SLC23A1: variants seen among roughly 807,000 people sequenced by gnomAD.
SLC23A1 encodes the protein Na(+)/L-ascorbic acid transporter 1.
Under a neutral mutation model 62.5 loss-of-function variants are expected in SLC23A1, and 31 were observed. That is an observed-to-expected ratio of 0.50 (90% CI 0.37 to 0.67). SLC23A1 has a LOEUF of 0.67. SLC23A1 is among the 30% of genes least tolerant of loss of function. The pLI, the probability that SLC23A1 is intolerant of heterozygous loss-of-function variation, is 0.00. For synonymous variants in SLC23A1, 271 were observed against 313.2 expected, an observed-to-expected ratio of 0.87 and a Z score of 1.42; for missense variants, 640 against 782.7, an observed-to-expected ratio of 0.82 and a Z score of 2.18.
At position 139,378,818 on chromosome 5, in the gene SLC23A1, C is replaced by T; in HGVS notation, c.1074-134G>A. 1 of 684,546 alleles carries T rather than the reference C, an allele frequency of 1.5e-6. No individual in the cohort carries two copies. 42.4% of individuals were successfully genotyped at this position (684,546 alleles called of 1,614,324 possible). On this transcript the variant is annotated intron_variant, in intron 9 of 14. Transcript: ENST00000348729. The surrounding 1 kb of genome is among the most constrained non-coding windows in gnomAD (Gnocchi z 4.5). ...CAGCTGTAGCACTCCCTACTACAGG[C>T]CAGAATGCTCAGGCTCCAGAGCTAG...
rs1474852192 is a variant in SLC23A1, at chr5:139,372,023, C to T, written c.1780G>A (p.Val594Met). 6.2e-7 allele frequency: 1 copy of T among 1,613,946 alleles called. No individual in the cohort carries two copies. Among genetic ancestry groups the T allele is most frequent in the Non-Finnish European group, 8.5e-7 (1 of 1,179,796 alleles). ...GTCATTTTTCAGACCTTGGTGCACA[C>T]AGATGCAGTTTCTGTATTTTCTGGA... ...DTPENTETAS[V>M]CTKV The change falls in exon 14 of 15, where the codon GTG becomes ATG. Residue 594 changes from valine to methionine, a missense_variant. Val to Met is a conservative substitution (Grantham distance 21, BLOSUM62 1). Transcript: ENST00000348729.
upstream of SLC23A1, among the ~76,000 whole-genome samples, chr5:139,384,111 G>A (rs1758415810): frequency 6.6e-6 from 1 of 152,238 alleles, no homozygotes; most frequent in South Asian, 2.1e-4. Context: ...TGGAGCGTGG[G>A]GCCTTTCTAT....
chr5:139,381,614 CAAAAA>C (rs904456829), intron 3 of SLC23A1, among the ~76,000 whole-genome samples: 1 of 55,702 alleles, frequency 1.8e-5, no homozygotes, highest in Non-Finnish European at 3.4e-5. Flanking sequence ...ACTCCGTCTC[CAAAAA>C]AAAAAAAAAA....
intron 13 of SLC23A1, among the ~76,000 whole-genome samples, chr5:139,375,723 T>C (rs1345936846): frequency 6.6e-6 from 1 of 151,794 alleles, no homozygotes; most frequent in Admixed American, 6.6e-5. Flanking sequence ...TAATCCCAGC[T>C]ACTTGGGAGG....
At chr5:139,373,719 A>G (rs532097313) in intron 13 of SLC23A1, among the ~76,000 whole-genome samples, 1 of 152,136 alleles carries the variant, frequency 6.6e-6, no homozygotes, top group African/African-American at 2.4e-5. Flanking sequence ...AGGGAAGACT[A>G]CCTGGAAGAG....
Position 139,379,185 on chromosome 5 carries a change from C to T in SLC23A1, c.1073+22G>A. Reference sequence around the variant, plus strand: ...GGGTGGCGCCTGAGGAGATCAGATACTGAGGAGGGCAGGTAGGCTACCTGT... The same window carrying T: ...GGGTGGCGCCTGAGGAGATCAGATATTGAGGAGGGCAGGTAGGCTACCTGT... On this transcript the variant is annotated intron_variant, in intron 9 of 14. Coordinates refer to ENST00000348729, the MANE Select transcript of SLC23A1 (RefSeq NM_005847.5). The surrounding 1 kb of genome is among the most constrained non-coding windows in gnomAD (Gnocchi z 4.7). 2 of 1,613,222 alleles carry T rather than the reference C, an allele frequency of 1.2e-6. No individual in the cohort carries two copies. Among genetic ancestry groups the T allele is most frequent in the East Asian group, 2.2e-5 (1 of 44,856 alleles).
At chr5:139,376,333 C>T (rs1231227612) in intron 13 of SLC23A1, among the ~76,000 whole-genome samples, 1 of 152,030 alleles carries the variant, frequency 6.6e-6, no homozygotes, top group Non-Finnish European at 1.5e-5. Context: ...CCACACCCAG[C>T]TAATTTTTGC....
In SLC23A1 at chr5:139,378,425, G is replaced by A; in HGVS notation, c.1180-74C>T. 3.3e-6 allele frequency: 5 copies of A among 1,515,204 alleles called. No homozygotes were observed. The highest frequency in any genetic ancestry group is 3.6e-6 in the Non-Finnish European group (4 of 1,121,630). The allele number at this position is 1,515,204 out of a possible 1,614,324, so 93.9% of individuals were successfully genotyped here. On this transcript the variant is annotated intron_variant, in intron 10 of 14. Transcript: ENST00000348729. This position sits in a 1 kb window ranked among gnomAD's most constrained non-coding sequence, Gnocchi z 4.5. ...GGGGTTAGTTCCAGGGGCGGGGCCT[G>A]TTATAAGAGCGAGGCATAAACCGGC...
At position 139,379,126 on chromosome 5, in the gene SLC23A1, C is replaced by T; in HGVS notation, c.1073+81G>A. On this transcript the variant is annotated intron_variant, in intron 9 of 14. Transcript: ENST00000348729. The surrounding 1 kb of genome is among the most constrained non-coding windows in gnomAD (Gnocchi z 4.7). ...TTCCCGACTTGCCTAAGCCTACCCCCTGGGCCTCCACCCCGTTCCTGTGTG... is the reference window on the plus strand; with the variant it reads ...TTCCCGACTTGCCTAAGCCTACCCCTTGGGCCTCCACCCCGTTCCTGTGTG... 6.8e-7 allele frequency: 1 copy of T among 1,471,622 alleles called. No homozygotes were observed. The highest frequency in any genetic ancestry group is 9.4e-7 in the Non-Finnish European group (1 of 1,060,458). 91.2% of individuals were successfully genotyped at this position (1,471,622 alleles called of 1,614,324 possible).
intron 1 of SLC23A1, 140 bp from the exon 2 acceptor site, chr5:139,382,745 C>A: frequency 1.6e-6 from 1 of 621,088 alleles, no homozygotes. Flanking sequence ...ACAGTCCATC[C>A]ACCCGGGTGC....
Position 139,382,625 on chromosome 5 carries a change from G to A in SLC23A1, c.37-20C>T. On this transcript the variant is annotated intron_variant, in intron 1 of 14. Transcript: ENST00000348729. ...TTCATGCTGGAGGCAGCAGAGATAA[G>A]TAGCTTAGGGTGAAGTGATGGGGAC... 1 of 1,473,000 alleles carries A rather than the reference G, an allele frequency of 6.8e-7. No individual in the cohort carries two copies. Among genetic ancestry groups the A allele is most frequent in the Non-Finnish European group, 9.5e-7 (1 of 1,053,508 alleles). The allele number at this position is 1,473,000 out of a possible 1,614,324, so 91.2% of individuals were successfully genotyped here. A position where few individuals can be genotyped will look rare whatever the true frequency, so the allele number is the denominator to read the frequency against.
chr5:139,375,561 G>A (rs1372181164), intron 13 of SLC23A1, among the ~76,000 whole-genome samples: 1 of 152,148 alleles, frequency 6.6e-6, no homozygotes, highest in African/African-American at 2.4e-5. Context: ...GAGGCTAGGT[G>A]TGGTGGCTCA....
intron 14 of SLC23A1, among the ~76,000 whole-genome samples, chr5:139,368,490 C>G (rs1757435015): frequency 6.6e-6 from 1 of 152,222 alleles, no homozygotes; most frequent in Admixed American, 6.5e-5. Flanking sequence ...GATTGTGCCA[C>G]TGCACTCCAG....
intron 14 of SLC23A1, among the ~76,000 whole-genome samples, chr5:139,371,437 C>T (rs957082595): frequency 2.0e-5 from 3 of 152,144 alleles, no homozygotes; most frequent in Admixed American, 6.5e-5. Context: ...GCTGCCCATG[C>T]GTTCTGAAGA....
At chr5:139,382,938 A>G (rs1033626891) in intron 1 of SLC23A1, among the ~76,000 whole-genome samples, 1 of 152,186 alleles carries the variant, frequency 6.6e-6, no homozygotes, top group African/African-American at 2.4e-5. Flanking sequence ...GACAAGTCCA[A>G]TCCGGTCCCA....
At chr5:139,381,850 G>A (rs1462648149) in intron 3 of SLC23A1, 42 bp downstream of exon 3, 2 of 1,499,488 alleles carry the variant, frequency 1.3e-6, no homozygotes, top group Non-Finnish European at 1.8e-6. Flanking sequence ...GGATCACAGT[G>A]GAGGGGTGGC....
chr5:139,379,138 C>G lies in SLC23A1; in HGVS notation c.1073+69G>C. On this transcript the variant is annotated intron_variant, in intron 9 of 14. Transcript: ENST00000348729. The surrounding 1 kb of genome is among the most constrained non-coding windows in gnomAD (Gnocchi z 4.7). ...CTAAGCCTACCCCCTGGGCCTCCAC[C>G]CCGTTCCTGTGTGTGCTTCCTGGGT... 1 of 1,550,874 alleles carries G rather than the reference C, an allele frequency of 6.4e-7. No individual in the cohort carries two copies. The highest frequency in any genetic ancestry group is 8.9e-7 in the Non-Finnish European group (1 of 1,128,540).
At chr5:139,377,894 T>G in intron 12 of SLC23A1, 81 bp downstream of exon 12, 1 of 1,392,980 alleles carries the variant, frequency 7.2e-7, no homozygotes, top group Non-Finnish European at 9.9e-7. Flanking sequence ...GCTGTAGCTG[T>G]GTGGAGCCTT....
intron 2 of SLC23A1, 150 bp downstream of exon 2, chr5:139,382,342 A>G: frequency 1.7e-6 from 1 of 605,938 alleles, no homozygotes; most frequent in Non-Finnish European, 3.0e-6. Context: ...TTCAGGATTC[A>G]GCCTCTTCCC....
Sources: allele counts gnomAD v4.1 joint callset (sites outside exome capture counted in the v4.1 genomes callset), GRCh38; gene constraint gnomAD v4.1.1; non-coding constraint Gnocchi (gnomAD v3.1); transcripts MANE v1.5; gene names NCBI Gene and HGNC (gene_info 2026-07-23, HGNC 2026-07-21).